Variants in NRG3 observed in about 807,000 individuals in gnomAD.
NRG3 encodes neuregulin 3, also known as pro-neuregulin-3, membrane-bound isoform.
In NRG3, 31 loss-of-function variants were observed where a neutral mutation model predicts 66.9. That is an observed-to-expected ratio of 0.46 (90% CI 0.35 to 0.63). The LOEUF (loss-of-function observed/expected upper bound fraction) is 0.63. Ranked by LOEUF, NRG3 falls within the 20% of genes least tolerant of loss-of-function variation. The pLI is 0.00. For missense variants in NRG3, 910 were observed against 878.9 expected (o/e 1.04, Z -0.45); for synonymous variants, 393 against 359.4 (o/e 1.09, Z -1.06).
At position 82,118,757 on chromosome 10, in the gene NRG3, G is replaced by A. The variant is rs573923667; in HGVS notation, c.824-239982G>A. 9.8e-4 allele frequency among the ~76,000 whole-genome samples: 149 copies of A among 152,042 alleles called. 1 individual carries two copies. Among genetic ancestry groups the A allele is most frequent in the Non-Finnish European group, 1.7e-3 (117 of 68,014 alleles). Reference sequence around the variant, plus strand: ...TTTTTCTTTGCAATAGATGTGGAAAGTTAATAAAAAACAGGCATCATAGCC... The same window carrying A: ...TTTTTCTTTGCAATAGATGTGGAAAATTAATAAAAAACAGGCATCATAGCC... On this transcript the variant is annotated intron_variant, in intron 1 of 8. Transcript: ENST00000372141.
intron 1 of NRG3, among the ~76,000 whole-genome samples, chr10:81,959,011 A>T (rs1251005983): frequency 6.6e-6 from 1 of 152,144 alleles, no homozygotes; most frequent in Non-Finnish European, 1.5e-5. Context: ...TCTTTAGGGG[A>T]GTGATGATGA....
At chr10:82,352,429 G>A (rs1317099393) in intron 1 of NRG3, among the ~76,000 whole-genome samples, 2 of 152,162 alleles carry the variant, frequency 1.3e-5, no homozygotes, top group African/African-American at 2.4e-5. Context: ...ACTATGAGTA[G>A]CAGTCATAGC....
intron 3 of NRG3, among the ~76,000 whole-genome samples, chr10:82,803,368 G>C (rs965014226): frequency 6.6e-6 from 1 of 152,172 alleles, no homozygotes; most frequent in African/African-American, 2.4e-5. Context: ...GACTCTAAAT[G>C]ACAGAATAGA....
In NRG3 at chr10:81,995,656, G is replaced by A. The variant is rs547192698; in HGVS notation, c.823+119493G>A. On this transcript the variant is annotated intron_variant, in intron 1 of 8. Transcript: ENST00000372141. ...TGCCTTACAGTTTAAGGATGCTGTT[G>A]AATATTAACATATTCTTTCAATTAC... Among the ~76,000 whole-genome samples, 5 of 152,274 alleles carry A rather than the reference G, an allele frequency of 3.3e-5. No individual in the cohort carries two copies. The South Asian group carries it at 1.0e-3, about 32-fold the overall frequency.
At chr10:82,654,876 A>G (rs1300134725) in intron 2 of NRG3, among the ~76,000 whole-genome samples, 1 of 152,090 alleles carries the variant, frequency 6.6e-6, no homozygotes, top group Non-Finnish European at 1.5e-5. Flanking sequence ...GCCTTTTGAT[A>G]TATTTTTAAA....
At chr10:81,910,997 TGTAG>T (rs1845085339) in intron 1 of NRG3, among the ~76,000 whole-genome samples, 1 of 152,192 alleles carries the variant, frequency 6.6e-6, no homozygotes, top group Admixed American at 6.5e-5. Flanking sequence ...AGATTTCTCC[TGTAG>T]GTAAAGCCAG....
At chr10:82,130,046 T>G (rs1279539019) in intron 1 of NRG3, among the ~76,000 whole-genome samples, 1 of 151,980 alleles carries the variant, frequency 6.6e-6, no homozygotes, top group Non-Finnish European at 1.5e-5. Context: ...ACTCTCTATC[T>G]CCATGCATGC....
intron 1 of NRG3, among the ~76,000 whole-genome samples, chr10:82,206,452 G>A (rs938140699): frequency 1.3e-5 from 2 of 152,198 alleles, no homozygotes; most frequent in African/African-American, 4.8e-5. Flanking sequence ...GTGAACAGTG[G>A]CAGGCAGACC....
intron 2 of NRG3, among the ~76,000 whole-genome samples, chr10:82,510,626 T>A (rs1244885940): frequency 1.3e-5 from 2 of 152,226 alleles, no homozygotes; most frequent in Non-Finnish European, 1.5e-5. Context: ...AGAATGGTTA[T>A]ACCCAAGGTC....
chr10:82,058,820 AT>A lies in NRG3; in HGVS notation c.823+182660del, dbSNP rs576989120. Among the ~76,000 whole-genome samples the A allele has an allele frequency of 1.5e-3, 235 of 152,244 alleles. 1 individual carries two copies. The highest frequency in any genetic ancestry group is 5.5e-3 in the African/African-American group (230 of 41,556). ...ACAGACAACTGAAGAGGCAGTTCTT[AT>A]TTAGGGTGATATATTCTTTAATAGA... On this transcript the variant is annotated intron_variant, in intron 1 of 8. Coordinates refer to ENST00000372141, the MANE Select transcript of NRG3 (RefSeq NM_001010848.4).
chr10:81,895,089 A>C (rs1021394559), intron 1 of NRG3, among the ~76,000 whole-genome samples: 1 of 152,166 alleles, frequency 6.6e-6, no homozygotes, highest in African/African-American at 2.4e-5. Context: ...CATGACCAGC[A>C]GGAAGACTCA....
chr10:82,771,040 G>A (rs2059696038), intron 3 of NRG3, among the ~76,000 whole-genome samples: 2 of 152,118 alleles, frequency 1.3e-5, no homozygotes, highest in Admixed American at 6.6e-5. Flanking sequence ...ATGATCCAAG[G>A]ATTTATCTCT....
intron 1 of NRG3, among the ~76,000 whole-genome samples, chr10:81,930,523 A>C (rs1021035598): frequency 2.6e-5 from 4 of 151,492 alleles, no homozygotes; most frequent in African/African-American, 9.7e-5. Context: ...AAAAAAAAAA[A>C]GAAAAAGGAA....
intron 6 of NRG3, among the ~76,000 whole-genome samples, chr10:82,967,711 A>G (rs1851338710): frequency 6.6e-6 from 1 of 152,226 alleles, no homozygotes; most frequent in Non-Finnish European, 1.5e-5. Flanking sequence ...CTACAGGAGT[A>G]GGCAATTGTT....
chr10:81,938,305 T>G (rs1848078697), intron 1 of NRG3, among the ~76,000 whole-genome samples: 1 of 151,974 alleles, frequency 6.6e-6, no homozygotes, highest in Admixed American at 6.6e-5. Flanking sequence ...GAATCAGATC[T>G]CTTTGGGTAG....
chr10:82,262,053 C>G (rs535226196), intron 1 of NRG3, among the ~76,000 whole-genome samples: 1 of 152,292 alleles, frequency 6.6e-6, no homozygotes, highest in East Asian at 1.9e-4. Context: ...CTTCCTGAGG[C>G]CTTCACCAGG....
chr10:82,693,337 G>A lies in NRG3; in HGVS notation c.954-45240G>A, dbSNP rs373848784. On this transcript the variant is annotated intron_variant, in intron 2 of 8. Transcript: ENST00000372141. ...AAAGTATTTTATTTAATGAATGGAC[G>A]ATGATGATAATTGCATTTTTTAAAA... 8.5e-4 allele frequency among the ~76,000 whole-genome samples: 130 copies of A among 152,158 alleles called. 1 individual carries two copies. The highest frequency in any genetic ancestry group is 5.4e-3 in the South Asian group (26 of 4,820).
At position 82,895,776 on chromosome 10, in the gene NRG3, C is replaced by A. The variant is rs554967179; in HGVS notation, c.1054+30339C>A. On this transcript the variant is annotated intron_variant, in intron 4 of 8. Coordinates refer to ENST00000372141, the MANE Select transcript of NRG3 (RefSeq NM_001010848.4). ...AAAGTGCTGGGATTACAGACGTGAG[C>A]CACCGCGCCCTACCAATAACATTTT... Among the ~76,000 whole-genome samples the A allele has an allele frequency of 1.8e-4, 28 of 152,308 alleles. No individual in the cohort carries two copies. In the South Asian group the frequency reaches 5.6e-3, roughly 30 times the overall value.
intron 1 of NRG3, among the ~76,000 whole-genome samples, chr10:82,226,209 T>A (rs1257512577): frequency 2.6e-5 from 4 of 152,178 alleles, no homozygotes; most frequent in Admixed American, 1.3e-4. Context: ...AAATGAGATT[T>A]GTCTGTGGCT....
Sources: allele counts gnomAD v4.1 joint callset (sites outside exome capture counted in the v4.1 genomes callset), GRCh38; gene constraint gnomAD v4.1.1; transcripts MANE v1.5; gene names NCBI Gene and HGNC (gene_info 2026-07-23, HGNC 2026-07-21).